KIR2DL3: variants seen among roughly 807,000 people sequenced by gnomAD.
KIR2DL3 encodes killer cell immunoglobulin like receptor, two Ig domains and long cytoplasmic tail 3.
In KIR2DL3, 39 loss-of-function variants were observed where a neutral mutation model predicts 33.8. The observed-to-expected ratio is 1.15, with a 90% confidence interval of 0.89 to 1.51. The LOEUF (loss-of-function observed/expected upper bound fraction) is 1.51. KIR2DL3 is among the 40% of genes most tolerant of loss of function. The pLI is 0.00. For synonymous variants in KIR2DL3, 174 were observed against 160.2 expected, an observed-to-expected ratio of 1.09 and a Z score of -0.65; for missense variants, 462 against 426.2, an observed-to-expected ratio of 1.08 and a Z score of -0.74.
chr19:54,752,266 G>C lies in KIR2DL3; in HGVS notation c.871G>C (p.Glu291Gln), dbSNP rs1431726397. 4.7e-6 allele frequency: 7 copies of C among 1,476,442 alleles called. 2 individuals are homozygous for C. The African/African-American group carries it at 1.1e-4, about 23-fold the overall frequency. 91.5% of individuals were successfully genotyped at this position (1,476,442 alleles called of 1,614,324 possible). Residue 291 changes from glutamate (E) to glutamine (Q), a missense_variant and splice_region_variant, in exon 7 of 8, where the codon GAG becomes CAG. By Grantham distance (29) the Glu-to-Gln change is conservative. Transcript: ENST00000342376. ...TGCAGGGAACAGAACAGTGAACAGG[G>C]AGGTAGGTGCTCCTCGGCCCAGCCT... is the stretch of plus-strand genomic sequence containing the variant. Reference protein sequence around the residue: ...EPAGNRTVNREDSDEQDPQEV... With the variant: ...EPAGNRTVNRQDSDEQDPQEV...
rs532744521 is a variant in KIR2DL3 at position 54,748,168 on chromosome 19, A to C, written c.715+783A>C. ...TCCTCCTTCCTCAAAGCCCACAAAG[A>C]CTGGTCACATCTCACATGGCATCAC... On this transcript the variant is annotated intron_variant, in intron 5 of 7. Coordinates refer to ENST00000342376, the MANE Select transcript of KIR2DL3 (RefSeq NM_015868.3). Among the ~76,000 whole-genome samples the C allele has an allele frequency of 6.0e-5, 9 of 148,960 alleles. No individual in the cohort carries two copies. The East Asian group carries it at 1.2e-3, about 19-fold the overall frequency.
chr19:54,747,974 G>C (rs2072822078), intron 5 of KIR2DL3, among the ~76,000 whole-genome samples: 2 of 152,086 alleles, frequency 1.3e-5, no homozygotes, highest in Non-Finnish European at 2.9e-5. Flanking sequence ...AAACAAAACG[G>C]TTTTTTAATT....
At position 54,752,272 on chromosome 19, in the gene KIR2DL3, G is replaced by C. The variant is rs1267189776; in HGVS notation, c.873+4G>C. 6.7e-7 allele frequency: 1 copy of C among 1,485,624 alleles called. No homozygotes were observed. Among genetic ancestry groups the C allele is most frequent in the Admixed American group, 1.8e-5 (1 of 55,800 alleles). 92.0% of individuals were successfully genotyped at this position (1,485,624 alleles called of 1,614,324 possible). A position where few individuals can be genotyped will look rare whatever the true frequency, so the allele number is the denominator to read the frequency against. ...GAACAGAACAGTGAACAGGGAGGTA[G>C]GTGCTCCTCGGCCCAGCCTCGTGGC... On this transcript the variant is annotated splice_donor_region_variant and intron_variant, in intron 7 of 7. Coordinates refer to ENST00000342376, the MANE Select transcript of KIR2DL3 (RefSeq NM_015868.3).
intron 5 of KIR2DL3, among the ~76,000 whole-genome samples, chr19:54,748,136 T>G (rs670963): frequency 0.3 from 41,290 of 136,982 alleles, 6,419 homozygotes; most frequent in South Asian, 0.37. Flanking sequence ...TTGGCTCCTG[T>G]TCCCCTTCCT....
rs1366519626 is a variant in KIR2DL3, at chr19:54,739,684, C to T, written c.70+142C>T. 7.3e-6 allele frequency: 10 copies of T among 1,373,072 alleles called. No homozygotes were observed. In the South Asian group the frequency reaches 1.1e-4, roughly 15 times the overall value. 85.1% of individuals were successfully genotyped at this position (1,373,072 alleles called of 1,614,324 possible). ...TGCTCAGCCCACATTTCTGACCTCG[C>T]CTCCCTGGCCTCTCAACCCCTTGGC... On this transcript the variant is annotated intron_variant, in intron 2 of 7. Coordinates refer to ENST00000342376, the MANE Select transcript of KIR2DL3 (RefSeq NM_015868.3).
rs1420605293 is a variant in KIR2DL3 at position 54,742,006 on chromosome 19, G to T, written c.97G>T (p.Ala33Ser). The change falls in exon 3 of 8, where the codon GCC (alanine) becomes TCC (serine). Residue 33 changes from alanine (A) to serine (S), a missense_variant. By Grantham distance (99) the Ala-to-Ser change is moderately conservative. Coordinates refer to ENST00000342376, the MANE Select transcript of KIR2DL3 (RefSeq NM_015868.3). The part of the protein sequence containing the change: ...EGVHRKPSLL[A>S]HPGPLVKSEE... The stretch of plus-strand genomic sequence containing the variant: ...AGTCCACAGAAAACCTTCCCTCCTG[G>T]CCCACCCAGGTCCCCTGGTGAAATC... 1 of 1,611,040 alleles carries T rather than the reference G, an allele frequency of 6.2e-7. No individual in the cohort carries two copies.
intron 1 of KIR2DL3, among the ~76,000 whole-genome samples, 153 bp downstream of exon 1, chr19:54,738,732 T>TG (rs2070274444): frequency 6.9e-6 from 1 of 143,948 alleles, no homozygotes; most frequent in African/African-American, 2.8e-5. Flanking sequence ...GATCTGGGCC[T>TG]GGAGTGGAGA....
rs1457506362 is a variant in KIR2DL3, at chr19:54,743,942, C to A, written c.518C>A (p.Ala173Glu). 41 of 1,614,058 alleles carry A rather than the reference C, an allele frequency of 2.5e-5. No homozygotes were observed. Among genetic ancestry groups the A allele is most frequent in the Non-Finnish European group, 3.3e-5 (39 of 1,180,036 alleles). ...EGEAHERRFS[A>E]GPKVNGTFQA... ...GAGGCCCATGAACGTAGGTTCTCTG[C>A]AGGGCCCAAGGTCAACGGAACATTC... Residue 173 changes from alanine (A) to glutamate (E), a missense_variant, in exon 4 of 8, where the codon GCA becomes GAA. Physicochemically the swap from Ala to Glu is moderately radical, Grantham distance 107 (BLOSUM62 -1). Transcript: ENST00000342376.
At chr19:54,747,260 C>A (rs2072665569) in intron 4 of KIR2DL3, 75 bp from the exon 5 acceptor site, 20 of 1,576,662 alleles carry the variant, frequency 1.3e-5, no homozygotes, top group Non-Finnish European at 1.5e-5. Context: ...TGGCCATGAA[C>A]CAACCTCAAA....
chr19:54,747,273 T>C, intron 4 of KIR2DL3, 62 bp from the exon 5 acceptor site: 2 of 1,593,184 alleles, frequency 1.3e-6, no homozygotes, highest in Non-Finnish European at 1.7e-6. Context: ...ACCTCAAAGA[T>C]TTCCATTGAG....
intron 2 of KIR2DL3, among the ~76,000 whole-genome samples, chr19:54,741,564 A>G (rs1425306365): frequency 1.3e-5 from 2 of 152,034 alleles, no homozygotes; most frequent in Middle Eastern, 3.4e-3. Flanking sequence ...GGGTGTGTGG[A>G]CACTGGTGCC....
At chr19:54,751,441 C>G (rs1203089993) in intron 5 of KIR2DL3, among the ~76,000 whole-genome samples, 3 of 131,910 alleles carry the variant, frequency 2.3e-5, no homozygotes, top group Non-Finnish European at 5.0e-5. Context: ...TCAAACATCT[C>G]AACTAAAGTA....
At chr19:54,747,036 T>A (rs2072620682) in intron 4 of KIR2DL3, among the ~76,000 whole-genome samples, 1 of 141,370 alleles carries the variant, frequency 7.1e-6, no homozygotes, top group Non-Finnish European at 1.6e-5. Context: ...ATCTGTGTTC[T>A]TCATTCTGCT....
At chr19:54,751,973 A>G (rs1441207671) in intron 6 of KIR2DL3, among the ~76,000 whole-genome samples, 1 of 134,210 alleles carries the variant, frequency 7.5e-6, no homozygotes, top group Non-Finnish European at 1.6e-5. Context: ...CCCTGCAGCC[A>G]CTCACATCCA....
intron 1 of KIR2DL3, among the ~76,000 whole-genome samples, chr19:54,739,180 G>C (rs1212088243): frequency 6.7e-6 from 1 of 149,148 alleles, no homozygotes; most frequent in Non-Finnish European, 1.5e-5. Flanking sequence ...ATGGGCTTAG[G>C]GTGGAGATCT....
chr19:54,740,288 T>C (rs1174512554), intron 2 of KIR2DL3, among the ~76,000 whole-genome samples: 2 of 152,158 alleles, frequency 1.3e-5, no homozygotes, highest in African/African-American at 2.4e-5. Flanking sequence ...GACAAGCCCT[T>C]GCTGTCTGCC....
intron 4 of KIR2DL3, among the ~76,000 whole-genome samples, chr19:54,745,162 C>T (rs1297633676): frequency 6.6e-6 from 1 of 151,558 alleles, no homozygotes; most frequent in African/African-American, 2.4e-5. Flanking sequence ...CTCCACTGTG[C>T]GTATGTACTA....
At position 54,742,113 on chromosome 19, in the gene KIR2DL3, C is replaced by T. The variant is rs138174230; in HGVS notation, c.204C>T (p.Asp68=). 9.1e-5 allele frequency: 147 copies of T among 1,613,904 alleles called. No individual in the cohort carries two copies. The African/African-American group carries it at 1.6e-3, about 18-fold the overall frequency. ...FLLHREGKFK[D]TLHLIGEHHD... ...TGCACAGAGAAGGGAAGTTTAAGGA[C>T]ACTTTGCACCTCATTGGAGAGCACC... The change falls in exon 3 of 8, where the codon GAC becomes GAT. Residue 68 remains aspartate, a synonymous_variant. Transcript: ENST00000342376.
At chr19:54,743,333 A>C (rs1423706931) in intron 3 of KIR2DL3, among the ~76,000 whole-genome samples, 12 of 152,178 alleles carry the variant, frequency 7.9e-5, no homozygotes, top group African/African-American at 2.9e-4. Flanking sequence ...ACATACATAT[A>C]AATAACAGAT....
Sources: gnomAD v4.1 joint callset for allele counts (sites outside exome capture counted in the v4.1 genomes callset) on GRCh38, gnomAD v4.1.1 for gene constraint, MANE v1.5 for transcripts, NCBI Gene and HGNC (gene_info 2026-07-23, HGNC 2026-07-21) for gene names.